RTL4: variants seen among roughly 807,000 people sequenced by gnomAD.
The protein encoded by RTL4 is retrotransposon Gag-like protein 4.
A neutral mutation model predicts 5.3 loss-of-function variants in RTL4; 4 were observed. The observed-to-expected ratio is 0.75, with a 90% CI of 0.37 to 1.72. The LOEUF (loss-of-function observed/expected upper bound fraction) is 1.72. Ranked by LOEUF, RTL4 falls within the 40% of genes most tolerant of loss-of-function variation. The pLI, the probability that RTL4 is intolerant of heterozygous loss-of-function variation, is 0.04. For synonymous variants in RTL4, 98 were observed against 87.3 expected, an observed-to-expected ratio of 1.12 and a Z score of -0.68; for missense variants, 260 against 227.1, an observed-to-expected ratio of 1.14 and a Z score of -0.93.
chrX:112,284,568 A>G, the RTL4 span, among the ~76,000 whole-genome samples: 470 of 111,587 alleles, frequency 4.2e-3, 1 homozygote, highest in Non-Finnish European at 7.0e-3. Context: ...TCTCTAAACT[A>G]TGAAAAGCCC....
chrX:112,186,092 C>T, the RTL4 span, among the ~76,000 whole-genome samples: 1 of 111,375 alleles, frequency 9.0e-6, no homozygotes, highest in Non-Finnish European at 1.9e-5. Flanking sequence ...GAAGCTGTCA[C>T]CCTTCAGCAC....
the RTL4 span, among the ~76,000 whole-genome samples, chrX:112,446,930 A>G: frequency 8.9e-6 from 1 of 112,396 alleles, no homozygotes; most frequent in African/African-American, 3.2e-5. Flanking sequence ...AGTTCTAACT[A>G]TGGCTGTTAT....
the RTL4 span, among the ~76,000 whole-genome samples, chrX:112,357,072 T>A: frequency 6.3e-5 from 7 of 111,638 alleles, no homozygotes; most frequent in African/African-American, 2.3e-4. Flanking sequence ...TTAGATTATG[T>A]ATCCACAAGT....
chrX:112,420,947 A>G, the RTL4 span, among the ~76,000 whole-genome samples: 1 of 111,399 alleles, frequency 9.0e-6, no homozygotes, highest in African/African-American at 3.3e-5. Context: ...CCATTTACGC[A>G]TCAGGGCCCA....
At chrX:112,143,744 C>T in the RTL4 span, among the ~76,000 whole-genome samples, 2 of 111,692 alleles carry the variant, frequency 1.8e-5, no homozygotes, top group Admixed American at 9.5e-5. Context: ...TTCTAGGCTC[C>T]ACTCCAGACC....
chrX:112,187,458 G>T, the RTL4 span, among the ~76,000 whole-genome samples: 1 of 111,387 alleles, frequency 9.0e-6, no homozygotes, highest in Non-Finnish European at 1.9e-5. Context: ...ATAGCTGGGG[G>T]CACCGTGGTA....
chrX:112,439,698 C>T, the RTL4 span, among the ~76,000 whole-genome samples: 53,296 of 110,147 alleles, frequency 0.48, 9,802 homozygotes, highest in African/African-American at 0.65. Context: ...CTTCATGTTG[C>T]CCTCTGGATA....
At chrX:112,303,175 A>C in the RTL4 span, among the ~76,000 whole-genome samples, 5 of 112,008 alleles carry the variant, frequency 4.5e-5, no homozygotes, top group East Asian at 1.4e-3. Flanking sequence ...CATTGTTTAT[A>C]TTACAATGTA....
the RTL4 span, among the ~76,000 whole-genome samples, chrX:112,251,264 T>C: frequency 5.3e-5 from 6 of 112,485 alleles, no homozygotes; most frequent in African/African-American, 1.9e-4. Context: ...AAGTCATGTG[T>C]TAGATTTTTG....
the RTL4 span, among the ~76,000 whole-genome samples, chrX:112,419,593 A>T: frequency 7.9e-4 from 39 of 49,652 alleles, 4 homozygotes; most frequent in Non-Finnish European, 1.1e-3. Context: ...ATATATATAT[A>T]TTTTTACATA....
chrX:112,233,914 G>A, the RTL4 span, among the ~76,000 whole-genome samples: 4 of 111,777 alleles, frequency 3.6e-5, no homozygotes, highest in African/African-American at 9.7e-5. Context: ...AAATAAGGCC[G>A]GGAGTGGTGG....
chrX:112,151,736 A>G, the RTL4 span, among the ~76,000 whole-genome samples: 1 of 111,807 alleles, frequency 8.9e-6, no homozygotes, highest in Non-Finnish European at 1.9e-5. Context: ...TCCCCTCAGC[A>G]TGGAAGGCGT....
chrX:112,155,294 T>G, the RTL4 span, among the ~76,000 whole-genome samples: 1 of 110,893 alleles, frequency 9.0e-6, no homozygotes, highest in Non-Finnish European at 1.9e-5. Context: ...GGCTTTTCTT[T>G]TTAAATTTTT....
chrX:112,258,645 T>A, the RTL4 span, among the ~76,000 whole-genome samples: 1 of 111,098 alleles, frequency 9.0e-6, no homozygotes, highest in East Asian at 2.8e-4. Flanking sequence ...ATTTTTGTCC[T>A]ATGTTACATT....
chrX:112,287,759 G>C, the RTL4 span, among the ~76,000 whole-genome samples: 1 of 111,678 alleles, frequency 9.0e-6, no homozygotes, highest in Non-Finnish European at 1.9e-5. Context: ...ATATCAAGGT[G>C]ATATTAACTG....
chrX:112,242,349 G>A, the RTL4 span, among the ~76,000 whole-genome samples: 2 of 111,468 alleles, frequency 1.8e-5, no homozygotes, highest in Non-Finnish European at 3.8e-5. Context: ...AATTCCATTC[G>A]TTTGTGTCCT....
the RTL4 span, among the ~76,000 whole-genome samples, chrX:112,322,149 C>A: frequency 9.0e-6 from 1 of 111,273 alleles, no homozygotes; most frequent in Admixed American, 9.6e-5. Context: ...GCTTTTCTCC[C>A]CTAATAACTT....
the RTL4 span, among the ~76,000 whole-genome samples, chrX:112,296,582 G>T: frequency 9.3e-6 from 1 of 106,965 alleles, no homozygotes; most frequent in African/African-American, 3.4e-5. Flanking sequence ...CCCCTCTTGA[G>T]AATCCTTTTT....
the RTL4 span, among the ~76,000 whole-genome samples, chrX:112,387,837 T>C: frequency 2.7e-5 from 3 of 111,998 alleles, no homozygotes; most frequent in South Asian, 3.7e-4. Flanking sequence ...ATAGTATAGT[T>C]TGAAGTTGGG....
Sources: allele counts gnomAD v4.1 joint callset (sites outside exome capture counted in the v4.1 genomes callset), GRCh38; gene constraint gnomAD v4.1.1; transcripts MANE v1.5; gene names NCBI Gene and HGNC (gene_info 2026-07-23, HGNC 2026-07-21).